STK39: variants seen among roughly 807,000 people sequenced by gnomAD.
The protein encoded by STK39 is serine/threonine kinase 39.
A neutral mutation model predicts 77.8 loss-of-function variants in STK39; 20 were observed. That is an observed-to-expected ratio of 0.26 (90% CI 0.18 to 0.37). STK39 has a LOEUF of 0.37. Ranked by LOEUF, STK39 falls within the 10% of genes least tolerant of loss-of-function variation. STK39 has a pLI of 1.00. For missense variants in STK39, 479 were observed against 656.5 expected (o/e 0.73, Z 2.95); for synonymous variants, 246 against 234.1 (o/e 1.05, Z -0.47).
intron 1 of STK39, among the ~76,000 whole-genome samples, chr2:168,238,629 C>T (rs895866684): frequency 6.6e-6 from 1 of 151,226 alleles, no homozygotes. Context: ...AACTGTTTGG[C>T]AAGTGAGAAG....
intron 16 of STK39, among the ~76,000 whole-genome samples, chr2:167,978,308 C>T (rs1683333850): frequency 6.6e-6 from 1 of 152,062 alleles, no homozygotes; most frequent in Non-Finnish European, 1.5e-5. Context: ...GGGGAGAGGG[C>T]TTTAACTCTG....
chr2:168,175,904 T>C (rs1688945394), intron 2 of STK39, among the ~76,000 whole-genome samples: 1 of 152,180 alleles, frequency 6.6e-6, no homozygotes, highest in Non-Finnish European at 1.5e-5. Context: ...AAGAGACAGA[T>C]GACAGAACAA....
chr2:168,119,111 T>C (rs1687340071), intron 10 of STK39, among the ~76,000 whole-genome samples: 1 of 152,152 alleles, frequency 6.6e-6, no homozygotes, highest in South Asian at 2.1e-4. Flanking sequence ...ATGAGATTTA[T>C]TCCCAAGGCA....
At chr2:168,023,875 C>T (rs1448211157) in intron 14 of STK39, among the ~76,000 whole-genome samples, 2 of 152,090 alleles carry the variant, frequency 1.3e-5, no homozygotes, top group Non-Finnish European at 1.5e-5. Context: ...TCCCAGGGAC[C>T]CAGGAGCAGC....
chr2:168,197,447 C>A (rs1305845332), intron 1 of STK39, among the ~76,000 whole-genome samples: 1 of 152,180 alleles, frequency 6.6e-6, no homozygotes, highest in Non-Finnish European at 1.5e-5. Flanking sequence ...TGGGCTGCCA[C>A]ATATTGTTCA....
intron 1 of STK39, among the ~76,000 whole-genome samples, chr2:168,210,622 C>T (rs187178126): frequency 2.4e-4 from 37 of 152,302 alleles, no homozygotes; most frequent in Admixed American, 1.3e-4. Context: ...TGGGTTCAAG[C>T]GATTCTCCTG....
At chr2:167,957,482 T>C (rs918886337) in intron 17 of STK39, among the ~76,000 whole-genome samples, 4 of 152,204 alleles carry the variant, frequency 2.6e-5, no homozygotes, top group African/African-American at 9.6e-5. Context: ...ATTTTCTCCT[T>C]GTGTTATCAC....
chr2:168,230,985 C>T (rs757032533), intron 1 of STK39, among the ~76,000 whole-genome samples: 1 of 152,186 alleles, frequency 6.6e-6, no homozygotes, highest in Non-Finnish European at 1.5e-5. Flanking sequence ...ACCCACCACC[C>T]TACCAGACTC....
At chr2:168,197,323 T>C (rs1689497196) in intron 1 of STK39, among the ~76,000 whole-genome samples, 1 of 152,188 alleles carries the variant, frequency 6.6e-6, no homozygotes, top group Admixed American at 6.5e-5. Flanking sequence ...TAATCATCAC[T>C]CCATTTTATA....
At chr2:168,014,114 T>C (rs910445918) in intron 15 of STK39, among the ~76,000 whole-genome samples, 21 of 152,140 alleles carry the variant, frequency 1.4e-4, no homozygotes, top group Admixed American at 1.3e-3. Context: ...CAAATAAATA[T>C]ATAGGAATCT....
chr2:168,232,773 G>A (rs550242607), intron 1 of STK39, among the ~76,000 whole-genome samples: 117 of 152,150 alleles, frequency 7.7e-4, no homozygotes, highest in African/African-American at 2.7e-3. Context: ...TTAGCTGGAC[G>A]TAGTGGCAGG....
At chr2:168,013,297 C>A (rs1287765005) in intron 15 of STK39, among the ~76,000 whole-genome samples, 1 of 152,200 alleles carries the variant, frequency 6.6e-6, no homozygotes, top group East Asian at 1.9e-4. Flanking sequence ...CGTACTTTCT[C>A]AATGATAAGT....
intron 1 of STK39, among the ~76,000 whole-genome samples, chr2:168,192,425 T>C (rs1689362257): frequency 6.6e-6 from 1 of 152,230 alleles, no homozygotes; most frequent in Non-Finnish European, 1.5e-5. Context: ...AAAAAAATTC[T>C]CATTTCACTC....
At chr2:168,240,895 T>C (rs970920366) in intron 1 of STK39, among the ~76,000 whole-genome samples, 2 of 152,128 alleles carry the variant, frequency 1.3e-5, no homozygotes, top group African/African-American at 2.4e-5. Flanking sequence ...AAAAGGAGAA[T>C]GAAAGATGGC....
intron 1 of STK39, among the ~76,000 whole-genome samples, chr2:168,202,736 G>A (rs1373838840): frequency 6.6e-6 from 1 of 151,372 alleles, no homozygotes; most frequent in Non-Finnish European, 1.5e-5. Context: ...AATATGTGAA[G>A]AATCTGGGAA....
chr2:168,169,666 C>A lies in STK39; in HGVS notation c.322-2259G>T, dbSNP rs185027697. Among the ~76,000 whole-genome samples the A allele has an allele frequency of 9.7e-3, 1,027 of 106,354 alleles. 13 individuals are homozygous for A. The highest frequency in any genetic ancestry group is 0.051 in the African/African-American group (962 of 18,892). 69.8% of individuals were successfully genotyped at this position (106,354 alleles called of 152,430 possible). On this transcript the variant is annotated intron_variant, in intron 2 of 17. Coordinates refer to ENST00000355999, the MANE Select transcript of STK39 (RefSeq NM_013233.3). Reference sequence around the variant, plus strand: ...TGTGTGTGTGTGTGTGTGTGTAACTCCTTTAGAAAACCTGTAGAACCTATA... The same window carrying A: ...TGTGTGTGTGTGTGTGTGTGTAACTACTTTAGAAAACCTGTAGAACCTATA...
chr2:168,032,047 C>G (rs142117203), intron 14 of STK39, among the ~76,000 whole-genome samples: 1 of 152,254 alleles, frequency 6.6e-6, no homozygotes, highest in African/African-American at 2.4e-5. Context: ...ACCAGCCACC[C>G]TAATTGGAAA....
intron 5 of STK39, among the ~76,000 whole-genome samples, chr2:168,159,971 C>T (rs552258233): frequency 6.6e-6 from 1 of 152,256 alleles, no homozygotes; most frequent in East Asian, 1.9e-4. Flanking sequence ...ACAACAGACT[C>T]CTCGGCAGTG....
At chr2:168,122,712 C>A (rs1900830) in intron 10 of STK39, among the ~76,000 whole-genome samples, 58,284 of 151,910 alleles carry the variant, frequency 0.38, 11,553 homozygotes, top group African/African-American at 0.47. Context: ...GCTGGGATTA[C>A]AAGTGTGAGC....
Sources: allele counts gnomAD v4.1 joint callset (sites outside exome capture counted in the v4.1 genomes callset), GRCh38; gene constraint gnomAD v4.1.1; transcripts MANE v1.5; gene names NCBI Gene and HGNC (gene_info 2026-07-23, HGNC 2026-07-21).